The following ERBB4 variants were observed in gnomAD, a reference collection of about 807,000 sequenced individuals.
The protein encoded by ERBB4 is erb-b2 receptor tyrosine kinase 4.
ERBB4 carries 42 observed loss-of-function variants against 158.0 expected under a neutral mutation model. The observed-to-expected ratio is 0.27, with a 90% CI of 0.21 to 0.34. The LOEUF is 0.34. Ranked by LOEUF, ERBB4 falls within the 10% of genes least tolerant of loss-of-function variation. ERBB4 has a pLI of 1.00. For synonymous variants in ERBB4, 583 were observed against 558.7 expected (o/e 1.04, Z -0.61); for missense variants, 1,333 against 1,624.1 (o/e 0.82, Z 3.08).
At chr2:211,640,102 A>ATT (rs573794721) in intron 16 of ERBB4, among the ~76,000 whole-genome samples, 1 of 151,344 alleles carries the variant, frequency 6.6e-6, no homozygotes, top group African/African-American at 2.4e-5. Context: ...AGCATTTTTG[A>ATT]TTTTTTTTTA....
chr2:212,059,830 A>G (rs1410702666), intron 2 of ERBB4, among the ~76,000 whole-genome samples: 1 of 152,236 alleles, frequency 6.6e-6, no homozygotes, highest in East Asian at 1.9e-4. Context: ...ATCTAAAACC[A>G]TAAAAACCCT....
intron 1 of ERBB4, among the ~76,000 whole-genome samples, chr2:212,257,041 T>G (rs547874850): frequency 1.3e-5 from 2 of 152,184 alleles, no homozygotes; most frequent in African/African-American, 4.8e-5. Flanking sequence ...TAGTACCCAA[T>G]AGGTAGTTTT....
At chr2:211,901,513 G>A (rs1380079769) in intron 3 of ERBB4, among the ~76,000 whole-genome samples, 1 of 151,900 alleles carries the variant, frequency 6.6e-6, no homozygotes, top group Non-Finnish European at 1.5e-5. Context: ...ACCCACCTGG[G>A]GAAATTTCTC....
chr2:212,536,623 C>T (rs1338613511), intron 1 of ERBB4, among the ~76,000 whole-genome samples: 1 of 152,214 alleles, frequency 6.6e-6, no homozygotes. Context: ...CTAGTGTCGC[C>T]TGAGACGAGG....
At chr2:211,592,661 T>C (rs1005918536) in intron 19 of ERBB4, among the ~76,000 whole-genome samples, 1 of 152,100 alleles carries the variant, frequency 6.6e-6, no homozygotes, top group African/African-American at 2.4e-5. Context: ...GGATGAAGCA[T>C]AAAAAGAGGT....
intron 2 of ERBB4, among the ~76,000 whole-genome samples, chr2:211,952,859 C>T (rs1398340416): frequency 1.3e-5 from 2 of 151,912 alleles, no homozygotes; most frequent in African/African-American, 4.8e-5. Context: ...GATGAACTGC[C>T]TGCAGACAAT....
intron 3 of ERBB4, among the ~76,000 whole-genome samples, chr2:211,794,987 A>G (rs1177700963): frequency 2.0e-5 from 3 of 151,908 alleles, no homozygotes; most frequent in Non-Finnish European, 4.4e-5. Flanking sequence ...GCTCTACAGA[A>G]AATTTCTCAT....
At chr2:211,841,179 C>T (rs2077461572) in intron 3 of ERBB4, among the ~76,000 whole-genome samples, 1 of 151,998 alleles carries the variant, frequency 6.6e-6, no homozygotes, top group African/African-American at 2.4e-5. Flanking sequence ...AATTTCAAGG[C>T]TGGAAAACTG....
Position 212,020,049 on chromosome 2 carries a change from T to C in ERBB4, c.235-72433A>G, listed in dbSNP as rs141278288. 3.2e-3 allele frequency among the ~76,000 whole-genome samples: 494 copies of C among 152,230 alleles called. 2 individuals carry two copies. Among genetic ancestry groups the C allele is most frequent in the Middle Eastern group, 0.027 (8 of 294 alleles). ...AACAGAAAAATGATTCTTATGTAGA[T>C]ACTCATAGAGAAAATTCTGCTACCT... On this transcript the variant is annotated intron_variant, in intron 2 of 27. Coordinates refer to ENST00000342788, the MANE Select transcript of ERBB4 (RefSeq NM_005235.3).
intron 2 of ERBB4, among the ~76,000 whole-genome samples, chr2:211,974,976 A>G (rs2081562799): frequency 6.6e-6 from 1 of 151,396 alleles, no homozygotes; most frequent in Non-Finnish European, 1.5e-5. Flanking sequence ...GAATCAAGAA[A>G]TATTATATCC....
chr2:211,825,265 G>C (rs1012824978), intron 3 of ERBB4, among the ~76,000 whole-genome samples: 1 of 151,490 alleles, frequency 6.6e-6, no homozygotes, highest in African/African-American at 2.4e-5. Context: ...AGTAGTTAAC[G>C]GTAATGAACA....
At chr2:211,719,720 T>G (rs2074034946) in intron 7 of ERBB4, among the ~76,000 whole-genome samples, 1 of 151,830 alleles carries the variant, frequency 6.6e-6, no homozygotes, top group African/African-American at 2.4e-5. Flanking sequence ...CCAAGCATGG[T>G]GGCACGTGCC....
At chr2:212,054,794 A>G (rs552060074) in intron 2 of ERBB4, among the ~76,000 whole-genome samples, 2 of 152,308 alleles carry the variant, frequency 1.3e-5, no homozygotes, top group African/African-American at 4.8e-5. Context: ...CCTTAGAATA[A>G]GGATGAAAGT....
chr2:212,045,963 T>C (rs550239885), intron 2 of ERBB4, among the ~76,000 whole-genome samples: 1 of 152,310 alleles, frequency 6.6e-6, no homozygotes, highest in South Asian at 2.1e-4. Flanking sequence ...CACCAATATA[T>C]TCTATGGAAT....
intron 2 of ERBB4, among the ~76,000 whole-genome samples, chr2:212,054,210 G>A (rs2077484439): frequency 6.6e-6 from 1 of 152,026 alleles, no homozygotes; most frequent in African/African-American, 2.4e-5. Context: ...GGAGAGAAGT[G>A]GAAAAATATA....
At chr2:211,559,689 C>A (rs2067333141) in intron 20 of ERBB4, among the ~76,000 whole-genome samples, 1 of 152,170 alleles carries the variant, frequency 6.6e-6, no homozygotes, top group African/African-American at 2.4e-5. Flanking sequence ...ATAGTTAATT[C>A]TTTCATTTGT....
intron 1 of ERBB4, among the ~76,000 whole-genome samples, chr2:212,256,370 T>C (rs1053031874): frequency 6.6e-6 from 1 of 152,204 alleles, no homozygotes; most frequent in African/African-American, 2.4e-5. Flanking sequence ...ATCATTTTAT[T>C]ATTTAAGGAA....
intron 1 of ERBB4, among the ~76,000 whole-genome samples, chr2:212,139,313 A>G (rs187417688): frequency 6.6e-6 from 1 of 152,224 alleles, no homozygotes; most frequent in African/African-American, 2.4e-5. Context: ...GCACATGTGC[A>G]CATACACATA....
At chr2:212,126,097 G>C (rs2079915777) in intron 1 of ERBB4, among the ~76,000 whole-genome samples, 1 of 152,156 alleles carries the variant, frequency 6.6e-6, no homozygotes, top group South Asian at 2.1e-4. Context: ...ATAATGGACT[G>C]ATAATAAATA....
Sources: gnomAD v4.1 joint callset for allele counts (sites outside exome capture counted in the v4.1 genomes callset) on GRCh38, gnomAD v4.1.1 for gene constraint, MANE v1.5 for transcripts, NCBI Gene and HGNC (gene_info 2026-07-23, HGNC 2026-07-21) for gene names.